Variants in NASP observed in about 807,000 individuals in gnomAD.
The protein encoded by NASP is nuclear autoantigenic sperm protein.
A neutral mutation model predicts 89.5 loss-of-function variants in NASP; 24 were observed. The observed-to-expected ratio is 0.27, with a 90% CI of 0.19 to 0.38. The LOEUF (loss-of-function observed/expected upper bound fraction) is 0.38, where lower values mean the gene tolerates loss of function less well. Among genes scored for constraint, NASP ranks in the 10% least tolerant of loss-of-function variants. The pLI is 1.00. For synonymous variants in NASP, 306 were observed against 324.7 expected, an observed-to-expected ratio of 0.94 and a Z score of 0.62; for missense variants, 848 against 921.4, an observed-to-expected ratio of 0.92 and a Z score of 1.03.
At chr1:45,585,015 G>C (rs953675585) in intron 1 of NASP, among the ~76,000 whole-genome samples, 1 of 152,244 alleles carries the variant, frequency 6.6e-6, no homozygotes, top group Non-Finnish European at 1.5e-5. Context: ...AGGAAGCGCT[G>C]TCTGGAGCTC....
In NASP at chr1:45,605,793, T is replaced by A. The variant is rs1222437132; in HGVS notation, c.300-689T>A. 7.2e-4 allele frequency: 88 copies of A among 122,614 alleles called. No homozygotes were observed. The East Asian group carries it at 0.016, about 22-fold the overall frequency. The allele number at this position is 122,614 out of a possible 1,614,324, so 7.6% of individuals were successfully genotyped here. A position where few individuals can be genotyped will look rare whatever the true frequency, so the allele number is the denominator to read the frequency against. ...TGATAAGTTTTTTTTTTTTTTTTTT[T>A]AAGACGGAGTTTCACTCCTGTCACC... On this transcript the variant is annotated intron_variant, in intron 4 of 14. Coordinates refer to ENST00000350030, the MANE Select transcript of NASP (RefSeq NM_002482.4).
At chr1:45,588,510 A>G in intron 1 of NASP, 1 of 303,594 alleles carries the variant, frequency 3.3e-6, no homozygotes, top group Non-Finnish European at 6.6e-6. Flanking sequence ...CTGCCTTCCA[A>G]AGTGCAGGGA....
intron 2 of NASP, among the ~76,000 whole-genome samples, chr1:45,595,715 A>G (rs1489142195): frequency 6.6e-6 from 1 of 152,218 alleles, no homozygotes; most frequent in African/African-American, 2.4e-5. Flanking sequence ...AGTACTAGCA[A>G]TTCTTGTGTT....
chr1:45,586,266 GTGTGTGTGTGTGTGTGTGGT>G (rs1404300211), intron 1 of NASP, among the ~76,000 whole-genome samples: 200 of 61,302 alleles, frequency 3.3e-3, no homozygotes, highest in African/African-American at 4.3e-3. Context: ...GTGTGTGTGT[GTGTGTGTGTGTGTGTGTGGT>G]GTGTGTGTGT....
Position 45,618,051 on chromosome 1 carries a change from T to C in NASP, c.2287-10T>C. 6.3e-7 allele frequency: 1 copy of C among 1,595,130 alleles called. No individual in the cohort carries two copies. Among genetic ancestry groups the C allele is most frequent in the South Asian group, 1.1e-5 (1 of 87,728 alleles). On this transcript the variant is annotated splice_polypyrimidine_tract_variant and intron_variant, in intron 14 of 14. Transcript: ENST00000350030. ...GGCTCACTCATGCCCAGGTTCTGTT[T>C]GTCTTCCAGGCTGAGAATCAGGCTG...
intron 4 of NASP, chr1:45,605,809 T>C (rs1284682035): frequency 7.3e-6 from 1 of 137,130 alleles, no homozygotes; most frequent in South Asian, 2.4e-4. Context: ...GGAGTTTCAC[T>C]CCTGTCACCC....
intron 5 of NASP, 122 bp from the exon 6 acceptor site, chr1:45,607,199 C>A: frequency 1.0e-6 from 1 of 989,630 alleles, no homozygotes; most frequent in Non-Finnish European, 1.5e-6. Flanking sequence ...AATTTTTAGG[C>A]CATCTGCTGA....
intron 7 of NASP, 26 bp from the exon 8 acceptor site, chr1:45,614,070 C>A: frequency 6.7e-7 from 1 of 1,495,088 alleles, no homozygotes; most frequent in Non-Finnish European, 9.3e-7. Flanking sequence ...AGATGCCTAT[C>A]TTTTTATTAT....
chr1:45,609,548 T>G (rs1321817146), intron 6 of NASP: 1 of 152,190 alleles, frequency 6.6e-6, no homozygotes, highest in Non-Finnish European at 1.5e-5. Flanking sequence ...CTCCCATGTC[T>G]TGATCTTAAT....
At chr1:45,600,390 A>C in intron 2 of NASP, 1 of 1,289,100 alleles carries the variant, frequency 7.8e-7, no homozygotes, top group Non-Finnish European at 1.0e-6. Context: ...CCCAGCAACC[A>C]TTAATCTGCT....
chr1:45,602,374 T>A lies in NASP; in HGVS notation c.218+9T>A. On this transcript the variant is annotated intron_variant, in intron 3 of 14. Coordinates refer to ENST00000350030, the MANE Select transcript of NASP (RefSeq NM_002482.4). ...GAAGCAGCTAGTCTTTTGTAAGTAT[T>A]GTATATTTTGCTATGATGTAATATT... The A allele has an allele frequency of 6.2e-7, 1 of 1,609,094 alleles. No individual in the cohort carries two copies. The highest frequency in any genetic ancestry group is 8.5e-7 in the Non-Finnish European group (1 of 1,177,646).
At chr1:45,599,553 G>A (rs574792742) in intron 2 of NASP, among the ~76,000 whole-genome samples, 4 of 151,946 alleles carry the variant, frequency 2.6e-5, no homozygotes, top group Admixed American at 1.3e-4. Flanking sequence ...TCAGTCTCCC[G>A]AGTAGCTGGG....
At chr1:45,605,504 C>G (rs1025655379) in intron 4 of NASP, among the ~76,000 whole-genome samples, 1 of 151,876 alleles carries the variant, frequency 6.6e-6, no homozygotes, top group African/African-American at 2.4e-5. Flanking sequence ...AGTCTGTCAC[C>G]CAGGCTGGAA....
intron 7 of NASP, 125 bp from the exon 8 acceptor site, chr1:45,613,971 A>G (rs984397197): frequency 5.0e-5 from 34 of 678,246 alleles, no homozygotes; most frequent in Non-Finnish European, 8.6e-5. Context: ...CCCATTCTCT[A>G]GATTTTAGGG....
At chr1:45,593,564 A>G (rs904322212) in intron 2 of NASP, among the ~76,000 whole-genome samples, 12 of 150,934 alleles carry the variant, frequency 8.0e-5, no homozygotes, top group African/African-American at 2.9e-4. Flanking sequence ...AACTCCGAGA[A>G]CAGTTTTATA....
rs1643541004 is a variant in NASP, at chr1:45,591,252, C to G, written c.89C>G (p.Ser30Cys). 1.3e-6 allele frequency: 2 copies of G among 1,546,328 alleles called. No homozygotes were observed. The highest frequency in any genetic ancestry group is 2.1e-5 in the Admixed American group (1 of 47,020). Residue 30 changes from serine to cysteine, a missense_variant, in exon 2 of 15, where the codon TCT becomes TGT. Ser to Cys is a moderately radical substitution (Grantham distance 112). This residue lies in a region of NASP where 89 missense variants were observed against 79.2 expected (regional missense o/e 1.12). Coordinates refer to ENST00000350030, the MANE Select transcript of NASP (RefSeq NM_002482.4). ...KIEDVPAPST[S>C]ADKVESLDVD... ...GAAGATGTTCCTGCTCCTTCTACAT[C>G]TGCAGATAAAGTGGAGAGGTAAGAT...
chr1:45,597,286 G>A (rs1339099448), intron 2 of NASP, among the ~76,000 whole-genome samples: 5 of 131,540 alleles, frequency 3.8e-5, no homozygotes, highest in African/African-American at 8.6e-5. Flanking sequence ...TAGCCTGGGC[G>A]ACAGAGCAAG....
At chr1:45,587,754 C>G (rs938626349) in intron 1 of NASP, among the ~76,000 whole-genome samples, 2 of 144,344 alleles carry the variant, frequency 1.4e-5, no homozygotes, top group Non-Finnish European at 3.0e-5. Flanking sequence ...CAGATCTTGG[C>G]TTACTGCAAC....
intron 2 of NASP, among the ~76,000 whole-genome samples, chr1:45,601,323 A>G (rs1175893348): frequency 6.6e-6 from 1 of 152,234 alleles, no homozygotes; most frequent in African/African-American, 2.4e-5. Context: ...TAGAAAGCCT[A>G]TGATCCATTG....
Sources: gnomAD v4.1 joint callset for allele counts (sites outside exome capture counted in the v4.1 genomes callset) on GRCh38, gnomAD v4.1.1 for gene constraint, gnomAD v4.1.1 regional missense constraint, MANE v1.5 for transcripts, NCBI Gene and HGNC (gene_info 2026-07-23, HGNC 2026-07-21) for gene names.